UBR1: variants seen among roughly 807,000 people sequenced by gnomAD.
The protein encoded by UBR1 is E3 ubiquitin-protein ligase UBR1.
A neutral mutation model predicts 242.1 loss-of-function variants in UBR1; 102 were observed. That is an observed-to-expected ratio of 0.42 (90% CI 0.36 to 0.50). The LOEUF (loss-of-function observed/expected upper bound fraction) is 0.50, where lower values mean the gene tolerates loss of function less well. Ranked by LOEUF, UBR1 falls within the 20% of genes least tolerant of loss-of-function variation. The pLI is 0.01. For missense variants in UBR1, 1,772 were observed against 2,101.8 expected, an observed-to-expected ratio of 0.84 and a Z score of 3.07; for synonymous variants, 675 against 684.8, an observed-to-expected ratio of 0.99 and a Z score of 0.22.
At chr15:42,963,894 T>C in intron 42 of UBR1, 41 bp downstream of exon 42, 2 of 1,475,414 alleles carry the variant, frequency 1.4e-6, no homozygotes, top group East Asian at 2.3e-5. Context: ...AAATTTCAAA[T>C]TGTATAATAA....
chr15:43,004,967 G>A (rs2032786448), intron 30 of UBR1, among the ~76,000 whole-genome samples: 1 of 151,132 alleles, frequency 6.6e-6, no homozygotes. Context: ...CGTCTGAGAT[G>A]TGGGGAGCAC....
chr15:42,985,510 G>A (rs1371900409), intron 35 of UBR1, among the ~76,000 whole-genome samples: 2 of 151,864 alleles, frequency 1.3e-5, no homozygotes, highest in African/African-American at 4.8e-5. Context: ...GCACCACTAC[G>A]CCAGCTAAAT....
At chr15:43,087,776 G>A (rs995246464) in intron 1 of UBR1, among the ~76,000 whole-genome samples, 10 of 151,820 alleles carry the variant, frequency 6.6e-5, no homozygotes, top group Admixed American at 4.6e-4. Flanking sequence ...ATTTTTAATC[G>A]TCAAAGACTG....
chr15:42,967,494 T>G (rs1181359531), intron 40 of UBR1, among the ~76,000 whole-genome samples: 1 of 151,610 alleles, frequency 6.6e-6, no homozygotes, highest in Non-Finnish European at 1.5e-5. Context: ...CCAAAGCAAC[T>G]TGTTAGCTAA....
chr15:43,055,810 G>A (rs185520814), intron 11 of UBR1, among the ~76,000 whole-genome samples: 51 of 152,224 alleles, frequency 3.4e-4, no homozygotes, highest in African/African-American at 1.2e-3. Context: ...AGCTACTTGG[G>A]TGGCTGAGGC....
intron 1 of UBR1, among the ~76,000 whole-genome samples, chr15:43,105,578 C>T (rs1196818985): frequency 6.6e-6 from 1 of 152,104 alleles, no homozygotes; most frequent in African/African-American, 2.4e-5. Context: ...CCAGGTGCTG[C>T]GTTCCCATCA....
chr15:43,017,985 C>T (rs1238535308), intron 27 of UBR1, among the ~76,000 whole-genome samples: 1 of 151,218 alleles, frequency 6.6e-6, no homozygotes, highest in Non-Finnish European at 1.5e-5. Context: ...GGAGACATTT[C>T]GACATTTCTT....
rs539753188 is a variant in UBR1 at position 42,970,662 on chromosome 15, T to TA, written c.4370-56dup. On this transcript the variant is annotated intron_variant, in intron 39 of 46. Transcript: ENST00000290650. ...TGTATTTGCTATTCAGTTTACAAAT[T>TA]AGACTTTAATTTCATTGTTCCAAGA... 175 of 1,464,620 alleles carry TA rather than the reference T, an allele frequency of 1.2e-4. No individual in the cohort carries two copies. In the African/African-American group the frequency reaches 2.3e-3, roughly 20 times the overall value. 90.7% of individuals were successfully genotyped at this position (1,464,620 alleles called of 1,614,324 possible). A position where few individuals can be genotyped will look rare whatever the true frequency, so the allele number is the denominator to read the frequency against.
At chr15:42,964,192 G>A (rs544666994) in intron 41 of UBR1, 149 bp from the exon 42 acceptor site, 15 of 653,940 alleles carry the variant, frequency 2.3e-5, no homozygotes, top group African/African-American at 7.2e-5. Flanking sequence ...GTGGCAGTCC[G>A]GGCACGGTGG....
intron 14 of UBR1, among the ~76,000 whole-genome samples, chr15:43,046,919 A>G (rs2033493622): frequency 6.6e-6 from 1 of 152,208 alleles, no homozygotes; most frequent in Non-Finnish European, 1.5e-5. Context: ...GTGTGTATAA[A>G]TACATACATA....
At chr15:43,037,341 C>T (rs1596112719) in intron 17 of UBR1, among the ~76,000 whole-genome samples, 1 of 144,944 alleles carries the variant, frequency 6.9e-6, no homozygotes, top group South Asian at 2.2e-4. Flanking sequence ...TAGAGTGAGA[C>T]TCTGTCTCAA....
chr15:43,047,417 G>T (rs2033499455), intron 13 of UBR1, 128 bp from the exon 14 acceptor site: 14 of 1,367,262 alleles, frequency 1.0e-5, no homozygotes, highest in Non-Finnish European at 1.4e-5. Flanking sequence ...CAGAATGCAT[G>T]GGTTCAATTC....
intron 40 of UBR1, among the ~76,000 whole-genome samples, chr15:42,967,227 T>TG (rs2032121624): frequency 6.7e-6 from 1 of 148,424 alleles, no homozygotes; most frequent in African/African-American, 2.5e-5. Context: ...TAGTTTTTTT[T>TG]TTTTTTTTTT....
At chr15:43,033,833 G>T (rs563980005) in intron 19 of UBR1, among the ~76,000 whole-genome samples, 5 of 152,280 alleles carry the variant, frequency 3.3e-5, no homozygotes, top group African/African-American at 1.2e-4. Flanking sequence ...GCTGGGCACG[G>T]TGGCTCACGC....
chr15:43,033,462 C>T (rs1172217437), intron 19 of UBR1, among the ~76,000 whole-genome samples: 3 of 151,398 alleles, frequency 2.0e-5, no homozygotes, highest in East Asian at 2.0e-4. Context: ...TGACCAACAT[C>T]GTGAAACCTC....
chr15:42,951,522 C>G (rs993694447), intron 45 of UBR1, among the ~76,000 whole-genome samples: 10 of 152,148 alleles, frequency 6.6e-5, no homozygotes, highest in Non-Finnish European at 1.5e-4. Context: ...CGCGCCCGGC[C>G]ATAAGTGACT....
chr15:43,071,881 A>G (rs2033828618), intron 4 of UBR1, among the ~76,000 whole-genome samples: 1 of 152,194 alleles, frequency 6.6e-6, no homozygotes, highest in Non-Finnish European at 1.5e-5. Flanking sequence ...TGGCCATAAC[A>G]AAAAAAGCAG....
intron 28 of UBR1, among the ~76,000 whole-genome samples, chr15:43,016,177 G>T (rs1432042575): frequency 6.6e-6 from 1 of 152,112 alleles, no homozygotes; most frequent in African/African-American, 2.4e-5. Flanking sequence ...AAAATCATTT[G>T]TCAATCACTT....
At position 42,944,391 on chromosome 15, in the gene UBR1, G is replaced by C. The variant is rs1432232087; in HGVS notation, c.*938C>G. On this transcript the variant is annotated 3_prime_UTR_variant, in exon 47 of 47. Coordinates refer to ENST00000290650, the MANE Select transcript of UBR1 (RefSeq NM_174916.3). ...TGCACACAGACAACATCAAGGATTT[G>C]TCTTTTACAAAGATATAGAAGACTG... 1 of 152,484 alleles carries C rather than the reference G, an allele frequency of 6.6e-6. No individual in the cohort carries two copies. Among genetic ancestry groups the C allele is most frequent in the Non-Finnish European group, 1.5e-5 (1 of 68,012 alleles). 9.4% of individuals were successfully genotyped at this position (152,484 alleles called of 1,614,324 possible). A position where few individuals can be genotyped will look rare whatever the true frequency, so the allele number is the denominator to read the frequency against.
Sources: gnomAD v4.1 joint callset for allele counts (sites outside exome capture counted in the v4.1 genomes callset) on GRCh38, gnomAD v4.1.1 for gene constraint, MANE v1.5 for transcripts, NCBI Gene and HGNC (gene_info 2026-07-23, HGNC 2026-07-21) for gene names.